DIP2C: variants seen among roughly 807,000 people sequenced by gnomAD.
DIP2C encodes disco-interacting protein 2 homolog C.
In DIP2C, 33 loss-of-function variants were observed where a neutral mutation model predicts 192.4. The ratio of observed to expected loss-of-function variants is 0.17; its 90% CI spans 0.13 to 0.23. DIP2C has a LOEUF of 0.23. Ranked by LOEUF, DIP2C falls within the 10% of genes least tolerant of loss-of-function variation. The pLI, the probability that DIP2C is intolerant of heterozygous loss-of-function variation, is 1.00. For synonymous variants in DIP2C, 979 were observed against 864.1 expected (o/e 1.13, Z -2.33); for missense variants, 1,537 against 2,110.1 (o/e 0.73, Z 5.32).
chr10:421,898 G>A (rs1019863635), intron 5 of DIP2C, among the ~76,000 whole-genome samples: 2 of 152,188 alleles, frequency 1.3e-5, no homozygotes, highest in African/African-American at 4.8e-5. Context: ...GTCTCAGTGA[G>A]CGACCAAGGG....
intron 4 of DIP2C, among the ~76,000 whole-genome samples, chr10:425,983 T>C (rs1966574468): frequency 1.3e-5 from 2 of 152,368 alleles, no homozygotes; most frequent in South Asian, 2.1e-4. Flanking sequence ...CTTGCCACTT[T>C]TATTTGACAT....
intron 1 of DIP2C, among the ~76,000 whole-genome samples, chr10:496,181 T>TCC (rs1329981618): frequency 7.0e-6 from 1 of 142,534 alleles, no homozygotes; most frequent in African/African-American, 2.7e-5. Context: ...CACGGTGCCC[T>TCC]CCCATGTACT....
intron 5 of DIP2C, among the ~76,000 whole-genome samples, chr10:420,314 G>C (rs1458494575): frequency 2.6e-5 from 4 of 152,262 alleles, no homozygotes; most frequent in Non-Finnish European, 5.9e-5. Flanking sequence ...GCGGTGCCGA[G>C]CTGCCTGGAC....
chr10:555,768 T>G (rs1848820184), intron 1 of DIP2C, among the ~76,000 whole-genome samples: 1 of 152,088 alleles, frequency 6.6e-6, no homozygotes, highest in South Asian at 2.1e-4. Flanking sequence ...AGCTCTGCTG[T>G]AAGCCCACTA....
Position 382,767 on chromosome 10 carries a change from G to A in DIP2C, c.1877-6C>T. 6.3e-7 allele frequency: 1 copy of A among 1,588,418 alleles called. No individual in the cohort carries two copies. Among genetic ancestry groups the A allele is most frequent in the Non-Finnish European group, 8.6e-7 (1 of 1,160,718 alleles). The stretch of plus-strand genomic sequence containing the variant: ...ATCGCAAGAAGAAATAGACCCTAGA[G>A]TGAAAGAGGGACAATGATCAGACAG... On this transcript the variant is annotated splice_polypyrimidine_tract_variant and splice_region_variant and intron_variant, in intron 16 of 36. Coordinates refer to ENST00000280886, the MANE Select transcript of DIP2C (RefSeq NM_014974.3).
intron 4 of DIP2C, among the ~76,000 whole-genome samples, chr10:436,724 ATCTC>A (rs745478276): frequency 4.0e-5 from 4 of 99,706 alleles, no homozygotes; most frequent in Admixed American, 1.1e-4. Flanking sequence ...CACACCTGAG[ATCTC>A]TCTGAGCTCT....
intron 1 of DIP2C, among the ~76,000 whole-genome samples, chr10:684,397 C>T (rs1294744744): frequency 1.3e-5 from 2 of 152,264 alleles, no homozygotes. Context: ...TCCTCACCCT[C>T]CTGAACCCAC....
At chr10:507,107 G>A (rs532655560) in intron 1 of DIP2C, among the ~76,000 whole-genome samples, 1 of 150,616 alleles carries the variant, frequency 6.6e-6, no homozygotes, top group African/African-American at 2.5e-5. Context: ...ACGATGAGAG[G>A]TATGCGAGGT....
At chr10:532,532 AG>A (rs1402915671) in intron 1 of DIP2C, among the ~76,000 whole-genome samples, 1 of 134,524 alleles carries the variant, frequency 7.4e-6, no homozygotes, top group African/African-American at 2.7e-5. Context: ...GGTGTGTGAG[AG>A]AGTATGGGTG....
intron 2 of DIP2C, 40 bp downstream of exon 2, chr10:486,419 G>T: frequency 6.5e-7 from 1 of 1,530,162 alleles, no homozygotes; most frequent in South Asian, 1.3e-5. Flanking sequence ...AGTGAATGCG[G>T]GAAATGAGAG....
intron 1 of DIP2C, among the ~76,000 whole-genome samples, chr10:584,204 C>A (rs1850838283): frequency 6.6e-6 from 1 of 152,188 alleles, no homozygotes; most frequent in East Asian, 1.9e-4. Context: ...GAAAAATATA[C>A]ACCAATACTC....
intron 1 of DIP2C, among the ~76,000 whole-genome samples, chr10:489,720 G>T (rs1172619087): frequency 2.8e-5 from 3 of 106,554 alleles, no homozygotes; most frequent in Admixed American, 9.2e-5. Context: ...CGGTGCCCGG[G>T]GCTTCCTCCA....
chr10:615,019 CCCACGCCAG>C (rs1327866708), intron 1 of DIP2C, among the ~76,000 whole-genome samples: 1 of 152,338 alleles, frequency 6.6e-6, no homozygotes, highest in African/African-American at 2.4e-5. Flanking sequence ...AAGCGCTGGT[CCCACGCCAG>C]CCAGAAACCA....
chr10:545,253 G>A lies in DIP2C; in HGVS notation c.86-58723C>T, dbSNP rs186036543. Reference sequence around the variant, plus strand: ...ATGACCTCAGCTCACTGCAACCTCCGCCTCCCAGGTTCAAGCAATTCTCCT... The same window carrying A: ...ATGACCTCAGCTCACTGCAACCTCCACCTCCCAGGTTCAAGCAATTCTCCT... On this transcript the variant is annotated intron_variant, in intron 1 of 36. Transcript: ENST00000280886. Among the ~76,000 whole-genome samples the A allele has an allele frequency of 3.6e-4, 47 of 129,892 alleles. No individual in the cohort carries two copies. The East Asian group carries it at 9.1e-3, about 25-fold the overall frequency. The allele number at this position is 129,892 out of a possible 152,430, so 85.2% of individuals were successfully genotyped here.
intron 1 of DIP2C, among the ~76,000 whole-genome samples, chr10:561,320 A>AG (rs1849203906): frequency 6.6e-6 from 1 of 152,130 alleles, no homozygotes. Flanking sequence ...AATGGATTGG[A>AG]GGCAGCAATT....
intron 1 of DIP2C, among the ~76,000 whole-genome samples, chr10:491,116 A>G (rs1228967515): frequency 6.6e-6 from 1 of 152,196 alleles, no homozygotes; most frequent in Non-Finnish European, 1.5e-5. Flanking sequence ...GCACCAGCCA[A>G]TCTGGCCCAA....
At chr10:284,089 G>C (rs555008606) in intron 34 of DIP2C, among the ~76,000 whole-genome samples, 1 of 152,274 alleles carries the variant, frequency 6.6e-6, no homozygotes, top group African/African-American at 2.4e-5. Flanking sequence ...AGATGCCCAC[G>C]CAGCTGTGCC....
intron 31 of DIP2C, among the ~76,000 whole-genome samples, chr10:326,534 G>C (rs1304758797): frequency 1.3e-5 from 2 of 152,220 alleles, no homozygotes; most frequent in African/African-American, 4.8e-5. Context: ...AGGCTGTCTT[G>C]CTAGAGCTGC....
At chr10:326,934 G>A in intron 31 of DIP2C, 72 bp downstream of exon 31, 1 of 1,520,776 alleles carries the variant, frequency 6.6e-7, no homozygotes, top group South Asian at 1.3e-5. Flanking sequence ...GAGACGAGTG[G>A]AGCCAGTCTG....
Sources: gnomAD v4.1 joint callset for allele counts (sites outside exome capture counted in the v4.1 genomes callset) on GRCh38, gnomAD v4.1.1 for gene constraint, MANE v1.5 for transcripts, NCBI Gene and HGNC (gene_info 2026-07-23, HGNC 2026-07-21) for gene names.